The following PHIP variants were observed in gnomAD, a reference collection of about 807,000 sequenced individuals.
PHIP encodes the protein PHIP subunit of CUL4-Ring ligase complex, also known as PH-interacting protein.
In PHIP, 54 loss-of-function variants were observed where a neutral mutation model predicts 236.8. That is an observed-to-expected ratio of 0.23 (90% confidence interval 0.18 to 0.29). The LOEUF (loss-of-function observed/expected upper bound fraction) is 0.29. Ranked by LOEUF, PHIP falls within the 10% of genes least tolerant of loss-of-function variation. The pLI, the probability that PHIP is intolerant of heterozygous loss-of-function variation, is 1.00. For synonymous variants in PHIP, 756 were observed against 718.9 expected, an observed-to-expected ratio of 1.05 and a Z score of -0.83; for missense variants, 1,370 against 2,190.8, an observed-to-expected ratio of 0.63 and a Z score of 7.48.
chr6:78,950,776 T>A (rs770364152), intron 35 of PHIP, among the ~76,000 whole-genome samples: 1 of 152,140 alleles, frequency 6.6e-6, no homozygotes, highest in Non-Finnish European at 1.5e-5. Flanking sequence ...ATTCTGTTGA[T>A]CTTCTCAAAG....
chr6:79,061,420 C>T (rs1773372446), intron 4 of PHIP, among the ~76,000 whole-genome samples: 1 of 151,996 alleles, frequency 6.6e-6, no homozygotes, highest in Admixed American at 6.6e-5. Context: ...TTCACTTTTT[C>T]TCATGAATGC....
Position 79,042,910 on chromosome 6 carries a change from C to T in PHIP, c.533G>A (p.Arg178Gln). ...AVYQHMKMHK[R>Q]ILGHLSSVYC... ...CACAGATGACAAGTGTCCAAGAATT[C>T]GTTTATGCATTTTCATGTGCTGATA... The change falls in exon 7 of 40, where the codon CGA becomes CAA. Residue 178 changes from arginine (R) to glutamine (Q), a missense_variant. Coordinates refer to ENST00000275034, the MANE Select transcript of PHIP (RefSeq NM_017934.7). 3.1e-6 allele frequency: 5 copies of T among 1,612,536 alleles called. No homozygotes were observed. The highest frequency in any genetic ancestry group is 4.2e-6 in the Non-Finnish European group (5 of 1,178,948).
chr6:79,056,745 T>C (rs1337067398), intron 6 of PHIP, among the ~76,000 whole-genome samples: 1 of 152,084 alleles, frequency 6.6e-6, no homozygotes, highest in Non-Finnish European at 1.5e-5. Context: ...ATCTGACTCC[T>C]AGGATACATA....
intron 6 of PHIP, among the ~76,000 whole-genome samples, chr6:79,054,805 CA>C (rs1772991940): frequency 6.6e-6 from 1 of 151,720 alleles, no homozygotes; most frequent in Admixed American, 6.6e-5. Flanking sequence ...GGAAATATGG[CA>C]AAATATAGCA....
Position 78,946,117 on chromosome 6 carries a change from C to A in PHIP, c.4514G>T (p.Arg1505Leu). Residue 1505 changes from arginine to leucine, a missense_variant, in exon 38 of 40, where the codon CGA (arginine) becomes CTA (leucine). Transcript: ENST00000275034. ...TACAACCACTCGGTTGCTTCTGGTTCGAACCACAGAACTAGATTCTGTTTT... is the reference window on the plus strand; with the variant it reads ...TACAACCACTCGGTTGCTTCTGGTTAGAACCACAGAACTAGATTCTGTTTT... ...NGKTESSSVV[R>L]TRSNRVVVDP... 6.2e-7 allele frequency: 1 copy of A among 1,614,038 alleles called. No individual in the cohort carries two copies. The highest frequency in any genetic ancestry group is 8.5e-7 in the Non-Finnish European group (1 of 1,179,918).
chr6:79,065,764 C>A (rs1006031886), intron 4 of PHIP, among the ~76,000 whole-genome samples: 35 of 143,470 alleles, frequency 2.4e-4, no homozygotes, highest in South Asian at 1.1e-3. Context: ...CTTAACTATA[C>A]CACACACACA....
At chr6:78,974,950 A>G (rs1196633178) in intron 24 of PHIP, among the ~76,000 whole-genome samples, 1 of 151,652 alleles carries the variant, frequency 6.6e-6, no homozygotes, top group East Asian at 1.9e-4. Flanking sequence ...AGGTACAAGG[A>G]GGAACTGGTA....
intron 17 of PHIP, 113 bp from the exon 18 acceptor site, chr6:78,998,504 G>A: frequency 3.1e-4 from 199 of 642,420 alleles, no homozygotes; most frequent in South Asian, 1.1e-3. Context: ...TTGGGTAAAA[G>A]ACTTAAATGA....
rs1773346686 is a variant in PHIP, at chr6:78,938,288, C to T, written c.*2405G>A. 6.6e-6 allele frequency: 1 copy of T among 151,540 alleles called. No individual in the cohort carries two copies. Among genetic ancestry groups the T allele is most frequent in the Non-Finnish European group, 1.5e-5 (1 of 67,576 alleles). 9.4% of individuals were successfully genotyped at this position (151,540 alleles called of 1,614,324 possible). A position where few individuals can be genotyped will look rare whatever the true frequency, so the allele number is the denominator to read the frequency against. ...TCATAAATATACAGTGTCTGTAGAA[C>T]AGGAATAATACATTTACATGTTATA... On this transcript the variant is annotated 3_prime_UTR_variant, in exon 40 of 40. Transcript: ENST00000275034.
chr6:78,944,460 G>A (rs1276050849), intron 39 of PHIP, among the ~76,000 whole-genome samples: 2 of 152,116 alleles, frequency 1.3e-5, no homozygotes, highest in African/African-American at 2.4e-5. Context: ...AATAGTCCAA[G>A]CAAGAAATTA....
chr6:79,076,543 G>A (rs1359051140), intron 4 of PHIP, among the ~76,000 whole-genome samples: 1 of 152,074 alleles, frequency 6.6e-6, no homozygotes, highest in Non-Finnish European at 1.5e-5. Flanking sequence ...ATCCACTTCT[G>A]AAAAGCAATT....
chr6:78,943,691 A>G (rs1773631645), intron 39 of PHIP, among the ~76,000 whole-genome samples: 1 of 152,184 alleles, frequency 6.6e-6, no homozygotes, highest in Non-Finnish European at 1.5e-5. Context: ...TGGGACATAA[A>G]GATGGAAGTG....
Position 79,061,471 on chromosome 6 carries a change from T to C in PHIP, c.190-653A>G, listed in dbSNP as rs1773373927. ...ACAGGACACATAACATGTGATGTCT[T>C]AACAGACTGAATGCAGAAGCAGATA... On this transcript the variant is annotated intron_variant, in intron 4 of 39. Coordinates refer to ENST00000275034, the MANE Select transcript of PHIP (RefSeq NM_017934.7). Among the ~76,000 whole-genome samples, 3 of 152,140 alleles carry C rather than the reference T, an allele frequency of 2.0e-5. 1 individual carries two copies. Among genetic ancestry groups the C allele is most frequent in the South Asian group, 4.1e-4 (2 of 4,830 alleles).
At chr6:79,056,785 T>A (rs1423678753) in intron 6 of PHIP, among the ~76,000 whole-genome samples, 3 of 152,150 alleles carry the variant, frequency 2.0e-5, no homozygotes, top group Non-Finnish European at 4.4e-5. Flanking sequence ...GGGGCTCAAG[T>A]AGCAATTAAG....
At chr6:78,984,858 A>C (rs1251858327) in intron 22 of PHIP, among the ~76,000 whole-genome samples, 1 of 152,196 alleles carries the variant, frequency 6.6e-6, no homozygotes, top group Non-Finnish European at 1.5e-5. Context: ...AAGACCTTGC[A>C]AAGTTAGCCA....
intron 17 of PHIP, among the ~76,000 whole-genome samples, chr6:78,999,295 A>C (rs1188909828): frequency 6.6e-6 from 1 of 152,152 alleles, no homozygotes; most frequent in African/African-American, 2.4e-5. Context: ...CACTATAAAG[A>C]TAAACATGAC....
chr6:79,053,143 G>A (rs749071846), intron 6 of PHIP, among the ~76,000 whole-genome samples: 15 of 151,952 alleles, frequency 9.9e-5, no homozygotes, highest in South Asian at 4.2e-4. Context: ...GTGAAACCCC[G>A]TCTCTACTAA....
At chr6:79,049,105 T>G (rs927042721) in intron 6 of PHIP, among the ~76,000 whole-genome samples, 2 of 152,004 alleles carry the variant, frequency 1.3e-5, no homozygotes, top group African/African-American at 4.8e-5. Flanking sequence ...AGTCTCACTC[T>G]GTCGTACAGG....
chr6:79,034,850 AG>A (rs1455939345), intron 7 of PHIP, among the ~76,000 whole-genome samples: 5 of 152,212 alleles, frequency 3.3e-5, no homozygotes, highest in African/African-American at 7.2e-5. Flanking sequence ...TGCCCCAAAG[AG>A]TTAAAGAAAT....
Sources: gnomAD v4.1 joint callset for allele counts (sites outside exome capture counted in the v4.1 genomes callset) on GRCh38, gnomAD v4.1.1 for gene constraint, MANE v1.5 for transcripts, NCBI Gene and HGNC (gene_info 2026-07-23, HGNC 2026-07-21) for gene names.